Variants in SAMTOR observed in about 807,000 individuals in gnomAD.
SAMTOR encodes S-adenosylmethionine sensor upstream of mTORC1.
At chr7:112,891,345 G>GT in the SAMTOR span, among the ~76,000 whole-genome samples, 1 of 152,094 alleles carries the variant, frequency 6.6e-6, no homozygotes, top group Non-Finnish European at 1.5e-5. Flanking sequence ...ATTTTTAAAC[G>GT]TAATTGCTTA....
At chr7:112,846,145 C>CTTTT in the SAMTOR span, among the ~76,000 whole-genome samples, 211 of 129,006 alleles carry the variant, frequency 1.6e-3, 2 homozygotes, top group African/African-American at 4.6e-3. Flanking sequence ...ATCTGTACAA[C>CTTTT]TTTTTTTTTT....
At chr7:112,852,567 T>A in the SAMTOR span, among the ~76,000 whole-genome samples, 1 of 151,968 alleles carries the variant, frequency 6.6e-6, no homozygotes. Flanking sequence ...GTAACAAAAA[T>A]GCATTTGTAC....
chr7:112,855,816 G>A, the SAMTOR span, among the ~76,000 whole-genome samples: 1 of 151,952 alleles, frequency 6.6e-6, no homozygotes, highest in Non-Finnish European at 1.5e-5. Flanking sequence ...GCAGTACCTA[G>A]ATTAGCATTT....
At chr7:112,915,281 A>C in the SAMTOR span, 3 of 1,581,898 alleles carry the variant, frequency 1.9e-6, no homozygotes, top group East Asian at 6.8e-5. Flanking sequence ...TGAAACCAAA[A>C]ACGTTAATTC....
At chr7:112,826,459 A>C in the SAMTOR span, among the ~76,000 whole-genome samples, 3 of 152,152 alleles carry the variant, frequency 2.0e-5, no homozygotes, top group African/African-American at 7.2e-5. Flanking sequence ...AAAGTTGTTC[A>C]AAATATTTTC....
At chr7:112,884,636 G>A in the SAMTOR span, among the ~76,000 whole-genome samples, 114 of 152,326 alleles carry the variant, frequency 7.5e-4, no homozygotes, top group African/African-American at 2.7e-3. Flanking sequence ...GCAAGAGGTA[G>A]CCTCCCACAG....
the SAMTOR span, among the ~76,000 whole-genome samples, chr7:112,845,812 A>G: frequency 6.6e-6 from 1 of 152,226 alleles, no homozygotes; most frequent in Non-Finnish European, 1.5e-5. Flanking sequence ...TATTGACAGT[A>G]GCAAAGACGT....
the SAMTOR span, among the ~76,000 whole-genome samples, chr7:112,873,628 A>G: frequency 6.6e-6 from 1 of 152,164 alleles, no homozygotes; most frequent in Non-Finnish European, 1.5e-5. Flanking sequence ...AAAATCTAGG[A>G]AACACTGTAG....
chr7:112,930,446 G>A, the SAMTOR span, among the ~76,000 whole-genome samples: 1 of 145,632 alleles, frequency 6.9e-6, no homozygotes, highest in African/African-American at 2.6e-5. Context: ...AATGTGGGAA[G>A]AAAACACCAC....
At chr7:112,842,744 G>A in the SAMTOR span, among the ~76,000 whole-genome samples, 1 of 151,908 alleles carries the variant, frequency 6.6e-6, no homozygotes, top group African/African-American at 2.4e-5. Flanking sequence ...TGAAAGTACT[G>A]TATTACATGA....
chr7:112,842,510 TAAG>T, the SAMTOR span, among the ~76,000 whole-genome samples: 229 of 152,094 alleles, frequency 1.5e-3, no homozygotes, highest in African/African-American at 5.3e-3. Flanking sequence ...AGTTCTTACC[TAAG>T]AAGATTTATC....
the SAMTOR span, among the ~76,000 whole-genome samples, chr7:112,914,016 T>G: frequency 2.6e-5 from 4 of 152,214 alleles, no homozygotes. Context: ...GTACTCCTAG[T>G]GCCTATAATA....
chr7:112,874,726 T>TAAAACAGA, the SAMTOR span, among the ~76,000 whole-genome samples: 3,399 of 152,270 alleles, frequency 0.022, 63 homozygotes, highest in Admixed American at 0.042. Context: ...TGTCTTAATC[T>TAAAACAGA]TGATGTTTAA....
chr7:112,916,976 G>A, the SAMTOR span, among the ~76,000 whole-genome samples: 25 of 152,324 alleles, frequency 1.6e-4, no homozygotes, highest in African/African-American at 5.8e-4. Context: ...ACAGCTCAAG[G>A]AGGCCTGCCT....
chr7:112,892,435 C>T, the SAMTOR span, among the ~76,000 whole-genome samples: 2 of 152,216 alleles, frequency 1.3e-5, no homozygotes, highest in South Asian at 2.1e-4. Flanking sequence ...TCAGAGAAAT[C>T]GCCATGACAA....
At chr7:112,869,411 A>G in the SAMTOR span, among the ~76,000 whole-genome samples, 6 of 152,114 alleles carry the variant, frequency 3.9e-5, no homozygotes, top group African/African-American at 1.4e-4. Context: ...CCACCAAACA[A>G]GAATACATCT....
chr7:112,890,648 A>ATC, the SAMTOR span, among the ~76,000 whole-genome samples: 7 of 150,976 alleles, frequency 4.6e-5, no homozygotes, highest in Admixed American at 4.6e-4. Flanking sequence ...ATATATATAT[A>ATC]TTATAAAAAT....
the SAMTOR span, among the ~76,000 whole-genome samples, chr7:112,865,154 A>T: frequency 3.9e-5 from 6 of 152,184 alleles, no homozygotes; most frequent in Non-Finnish European, 8.8e-5. Context: ...TAAAATTTTA[A>T]AATTGGCATT....
the SAMTOR span, among the ~76,000 whole-genome samples, chr7:112,883,309 C>T: frequency 1.3e-5 from 2 of 152,146 alleles, no homozygotes; most frequent in Non-Finnish European, 2.9e-5. Context: ...ATCCTTCTTT[C>T]CTTTTGTCTG....
Sources: allele counts gnomAD v4.1 joint callset (sites outside exome capture counted in the v4.1 genomes callset), GRCh38; gene constraint gnomAD v4.1.1; transcripts MANE v1.5; gene names NCBI Gene and HGNC (gene_info 2026-07-23, HGNC 2026-07-21).